The following ACBD6 variants were observed in gnomAD, a reference collection of about 807,000 sequenced individuals.
ACBD6 encodes acyl-CoA binding domain containing 6, also known as acyl-CoA-binding domain-containing protein 6.
A neutral mutation model predicts 37.2 loss-of-function variants in ACBD6; 28 were observed. That is an observed-to-expected ratio of 0.75 (90% confidence interval 0.56 to 1.03). The LOEUF is 1.03. Among genes scored for constraint, ACBD6 ranks in the 50% least tolerant of loss-of-function variants. The pLI is 0.00. For missense variants in ACBD6, 340 were observed against 337.4 expected, an observed-to-expected ratio of 1.01 and a Z score of -0.06; for synonymous variants, 113 against 126.8, an observed-to-expected ratio of 0.89 and a Z score of 0.73.
chr1:180,483,241 C>A (rs1441315513), intron 3 of ACBD6, among the ~76,000 whole-genome samples: 1 of 152,076 alleles, frequency 6.6e-6, no homozygotes, highest in Admixed American at 6.5e-5. Flanking sequence ...ATGGCTCATT[C>A]TTTCACTTAA....
At chr1:180,322,306 A>G (rs574882013) in intron 6 of ACBD6, among the ~76,000 whole-genome samples, 1 of 152,240 alleles carries the variant, frequency 6.6e-6, no homozygotes, top group East Asian at 1.9e-4. Context: ...CATCAGAGAT[A>G]CTGGCCTGTA....
chr1:180,492,228 T>C (rs1651532648), intron 3 of ACBD6, 41 bp downstream of exon 3: 2 of 1,444,348 alleles, frequency 1.4e-6, no homozygotes, highest in East Asian at 4.5e-5. Context: ...AGAAGGATCA[T>C]AAGTTTTTGG....
intron 7 of ACBD6, among the ~76,000 whole-genome samples, chr1:180,306,105 G>C (rs1245347110): frequency 8.1e-6 from 1 of 124,008 alleles, no homozygotes; most frequent in Non-Finnish European, 1.6e-5. Context: ...TTGTGGGGTG[G>C]GGGGAGGGGG....
chr1:180,490,309 A>G (rs1651443132), intron 3 of ACBD6, among the ~76,000 whole-genome samples: 1 of 152,222 alleles, frequency 6.6e-6, no homozygotes, highest in Non-Finnish European at 1.5e-5. Flanking sequence ...GGTGTCTTAT[A>G]AAAGATAATA....
At chr1:180,339,420 C>G (rs1005510537) in intron 6 of ACBD6, among the ~76,000 whole-genome samples, 13 of 152,324 alleles carry the variant, frequency 8.5e-5, no homozygotes, top group African/African-American at 3.1e-4. Flanking sequence ...TCTCAGCAAA[C>G]TATTGCAAGG....
intron 1 of ACBD6, among the ~76,000 whole-genome samples, chr1:180,499,098 C>A (rs1263145575): frequency 2.0e-5 from 3 of 152,150 alleles, no homozygotes; most frequent in Admixed American, 2.0e-4. Flanking sequence ...GTTTAGAGTT[C>A]TCCCTGAGAA....
At chr1:180,410,484 A>C (rs1558287557) in intron 5 of ACBD6, among the ~76,000 whole-genome samples, 1 of 152,216 alleles carries the variant, frequency 6.6e-6, no homozygotes, top group Non-Finnish European at 1.5e-5. Context: ...ATTGACTTTA[A>C]GCTGAAACCA....
intron 5 of ACBD6, among the ~76,000 whole-genome samples, chr1:180,401,015 T>A (rs1452081762): frequency 6.6e-6 from 1 of 152,216 alleles, no homozygotes; most frequent in Non-Finnish European, 1.5e-5. Flanking sequence ...TCTTATAAAT[T>A]TTCAAGTTAA....
intron 3 of ACBD6, among the ~76,000 whole-genome samples, chr1:180,442,245 G>A (rs1457312621): frequency 2.0e-5 from 3 of 150,972 alleles, no homozygotes; most frequent in African/African-American, 7.3e-5. Context: ...GGTTCATTGA[G>A]CTTCTTGGAT....
chr1:180,446,457 G>C (rs1177603665), intron 3 of ACBD6, among the ~76,000 whole-genome samples: 1 of 151,998 alleles, frequency 6.6e-6, no homozygotes, highest in Non-Finnish European at 1.5e-5. Flanking sequence ...CCTTAAAAGA[G>C]GAACACTTTT....
intron 7 of ACBD6, among the ~76,000 whole-genome samples, chr1:180,306,038 AAT>A (rs1285750793): frequency 1.4e-5 from 2 of 147,632 alleles, no homozygotes; most frequent in Non-Finnish European, 3.0e-5. Context: ...CATAGGTGGG[AAT>A]TGAACAATGA....
chr1:180,468,348 T>C (rs1347390611), intron 3 of ACBD6, among the ~76,000 whole-genome samples: 1 of 152,122 alleles, frequency 6.6e-6, no homozygotes, highest in Non-Finnish European at 1.5e-5. Flanking sequence ...TGAGTTTGGC[T>C]GGATAGGAGG....
intron 4 of ACBD6, among the ~76,000 whole-genome samples, chr1:180,415,063 C>T (rs1443039968): frequency 1.3e-5 from 2 of 150,972 alleles, no homozygotes; most frequent in Non-Finnish European, 2.9e-5. Flanking sequence ...GGCAACAGAG[C>T]GAGACTCCAT....
chr1:180,417,615 A>G (rs891585742), intron 4 of ACBD6, among the ~76,000 whole-genome samples: 4 of 152,212 alleles, frequency 2.6e-5, no homozygotes, highest in Admixed American at 2.0e-4. Context: ...CCCTTTGGTA[A>G]GCAAACAAGC....
chr1:180,463,461 TG>T (rs1378775717), intron 3 of ACBD6, among the ~76,000 whole-genome samples: 1 of 151,866 alleles, frequency 6.6e-6, no homozygotes, highest in Non-Finnish European at 1.5e-5. Flanking sequence ...CTATAAGAAA[TG>T]GATAAATTCC....
intron 7 of ACBD6, among the ~76,000 whole-genome samples, chr1:180,305,399 T>C (rs531803938): frequency 4.0e-5 from 6 of 151,656 alleles, no homozygotes; most frequent in African/African-American, 1.2e-4. Flanking sequence ...CAAACAAATC[T>C]ACAAGAAAAA....
intron 6 of ACBD6, among the ~76,000 whole-genome samples, chr1:180,342,790 T>C (rs1451630695): frequency 1.3e-5 from 2 of 152,076 alleles, no homozygotes; most frequent in African/African-American, 4.8e-5. Flanking sequence ...TTTGCAGACA[T>C]TCTGTTTTAA....
intron 6 of ACBD6, among the ~76,000 whole-genome samples, chr1:180,318,378 T>C (rs1339184229): frequency 6.6e-6 from 1 of 152,096 alleles, no homozygotes; most frequent in Non-Finnish European, 1.5e-5. Flanking sequence ...TTATTTGAAC[T>C]GAGGGAGGGG....
chr1:180,359,584 A>T (rs1217978241), intron 6 of ACBD6, among the ~76,000 whole-genome samples: 1 of 152,184 alleles, frequency 6.6e-6, no homozygotes. Flanking sequence ...GAAAATTATG[A>T]ATTACTACCA....
Sources: allele counts gnomAD v4.1 joint callset (sites outside exome capture counted in the v4.1 genomes callset), GRCh38; gene constraint gnomAD v4.1.1; transcripts MANE v1.5; gene names NCBI Gene and HGNC (gene_info 2026-07-23, HGNC 2026-07-21).